ASTN2: variants seen among roughly 807,000 people sequenced by gnomAD.
ASTN2 encodes astrotactin 2, also known as astrotactin-2.
Under a neutral mutation model 139.8 loss-of-function variants are expected in ASTN2, and 54 were observed. The ratio of observed to expected loss-of-function variants is 0.39; its 90% CI spans 0.31 to 0.48. The LOEUF (loss-of-function observed/expected upper bound fraction) is 0.48, where lower values mean the gene tolerates loss of function less well. Among genes scored for constraint, ASTN2 ranks in the 20% least tolerant of loss-of-function variants. The pLI is 0.95. For missense variants in ASTN2, 1,565 were observed against 1,725.1 expected (o/e 0.91, Z 1.64); for synonymous variants, 756 against 719.5 (o/e 1.05, Z -0.81).
chr9:116,699,251 G>A lies in ASTN2; in HGVS notation c.2806+26520C>T. The A allele has an allele frequency of 6.2e-7, 1 of 1,614,216 alleles. No individual in the cohort carries two copies. The highest frequency in any genetic ancestry group is 8.5e-7 in the Non-Finnish European group (1 of 1,180,046). ...GTTTCACAGTTGATCGAGGATCAGG[G>A]GTGGTCAAATACAGCTGCCTATGTA... On this transcript the variant is annotated intron_variant, in intron 16 of 22. Coordinates refer to ENST00000313400, the MANE Select transcript of ASTN2 (RefSeq NM_001365068.1). The surrounding 1 kb of genome is among the most constrained non-coding windows in gnomAD (Gnocchi z 4.2).
Position 117,256,701 on chromosome 9 carries a change from A to G in ASTN2, c.630+34625T>C, listed in dbSNP as rs564597757. Among the ~76,000 whole-genome samples, 9 of 152,318 alleles carry G rather than the reference A, an allele frequency of 5.9e-5. No homozygotes were observed. The South Asian group carries it at 1.9e-3, about 32-fold the overall frequency. ...GAAAGAAGAAGAAATAAAGGAGGAA[A>G]AAGAGAAATTATTACCATTCTTTAT... is the stretch of plus-strand genomic sequence containing the variant. On this transcript the variant is annotated intron_variant, in intron 2 of 22. Coordinates refer to ENST00000313400, the MANE Select transcript of ASTN2 (RefSeq NM_001365068.1).
intron 4 of ASTN2, among the ~76,000 whole-genome samples, chr9:117,107,788 C>T (rs1829143866): frequency 6.6e-6 from 1 of 152,168 alleles, no homozygotes; most frequent in South Asian, 2.1e-4. Context: ...TCTGGTCTTT[C>T]CTATCATGTA....
At chr9:117,335,392 A>G (rs752749023) in intron 1 of ASTN2, among the ~76,000 whole-genome samples, 1 of 152,226 alleles carries the variant, frequency 6.6e-6, no homozygotes, top group Non-Finnish European at 1.5e-5. Flanking sequence ...AGGCTTTAAC[A>G]CAATACAAAC....
At chr9:116,813,845 G>T (rs1052131697) in intron 12 of ASTN2, among the ~76,000 whole-genome samples, 9 of 152,028 alleles carry the variant, frequency 5.9e-5, no homozygotes, top group Non-Finnish European at 1.2e-4. Flanking sequence ...GACCAGCCTG[G>T]TCAACATGGC....
At chr9:116,651,993 C>A (rs1365098441) in intron 16 of ASTN2, among the ~76,000 whole-genome samples, 200 bp from the exon 17 acceptor site, 1 of 152,118 alleles carries the variant, frequency 6.6e-6, no homozygotes, top group Non-Finnish European at 1.5e-5. Flanking sequence ...TATTGTCCTA[C>A]CACTTACATT....
At chr9:116,687,517 G>T (rs1048612016) in intron 16 of ASTN2, 2 of 146,678 alleles carry the variant, frequency 1.4e-5, no homozygotes, top group Admixed American at 6.8e-5. Context: ...CCGGATCTGG[G>T]GGGGGCAGGA....
intron 6 of ASTN2, among the ~76,000 whole-genome samples, chr9:117,032,186 A>C: frequency 6.6e-6 from 1 of 152,154 alleles, no homozygotes; most frequent in East Asian, 1.9e-4. Context: ...TTCATTGAAG[A>C]AGGTTTTCTA....
chr9:117,306,658 C>T (rs1157205862), intron 1 of ASTN2, among the ~76,000 whole-genome samples: 4 of 152,126 alleles, frequency 2.6e-5, no homozygotes, highest in African/African-American at 7.2e-5. Context: ...CAGAAAACAG[C>T]GACAACTACA....
At chr9:116,964,262 C>T (rs1439797500) in intron 10 of ASTN2, among the ~76,000 whole-genome samples, 12 of 149,418 alleles carry the variant, frequency 8.0e-5, no homozygotes, top group East Asian at 2.0e-4. Flanking sequence ...TGTGTGCGCG[C>T]GCGCGCGTGT....
intron 11 of ASTN2, among the ~76,000 whole-genome samples, chr9:116,849,847 A>C (rs1340242894): frequency 6.6e-6 from 1 of 152,246 alleles, no homozygotes; most frequent in Non-Finnish European, 1.5e-5. Flanking sequence ...TGAGTGAGAA[A>C]GATTTTAAAG....
At chr9:116,970,763 T>C (rs1050528026) in intron 10 of ASTN2, among the ~76,000 whole-genome samples, 1 of 152,196 alleles carries the variant, frequency 6.6e-6, no homozygotes, top group Non-Finnish European at 1.5e-5. Context: ...CATTATTCTT[T>C]CAGCGTTGTT....
chr9:116,856,786 A>G (rs940450775), intron 11 of ASTN2, among the ~76,000 whole-genome samples: 2 of 152,248 alleles, frequency 1.3e-5, no homozygotes, highest in Non-Finnish European at 2.9e-5. Context: ...AAGATGGGGC[A>G]GAGGCGGCAG....
At chr9:117,326,981 T>C (rs940748854) in intron 1 of ASTN2, among the ~76,000 whole-genome samples, 3 of 152,154 alleles carry the variant, frequency 2.0e-5, no homozygotes, top group Admixed American at 6.5e-5. Flanking sequence ...ACCTGTTTCA[T>C]GAAAGACAAT....
chr9:116,554,655 C>T (rs1423592237), intron 19 of ASTN2, among the ~76,000 whole-genome samples: 1 of 152,140 alleles, frequency 6.6e-6, no homozygotes, highest in African/African-American at 2.4e-5. Flanking sequence ...TCAGAACATT[C>T]CAGAGGCAAC....
At chr9:117,032,681 C>T (rs1399303887) in intron 6 of ASTN2, among the ~76,000 whole-genome samples, 2 of 152,278 alleles carry the variant, frequency 1.3e-5, no homozygotes, top group East Asian at 1.9e-4. Flanking sequence ...TTAGCTCACT[C>T]TTCTGGGATG....
chr9:117,055,856 C>A (rs10733625), intron 5 of ASTN2, among the ~76,000 whole-genome samples: 97,317 of 152,074 alleles, frequency 0.64, 31,508 homozygotes, highest in East Asian at 0.72. Context: ...TGCATATATC[C>A]AATGCAAGAA....
chr9:116,633,736 C>G (rs1329502136), intron 17 of ASTN2, among the ~76,000 whole-genome samples: 1 of 152,154 alleles, frequency 6.6e-6, no homozygotes, highest in South Asian at 2.1e-4. Flanking sequence ...GAGGAAGCCT[C>G]TCCTGCTGGT....
intron 5 of ASTN2, among the ~76,000 whole-genome samples, chr9:117,082,597 T>C (rs984970845): frequency 6.6e-6 from 1 of 152,170 alleles, no homozygotes; most frequent in Admixed American, 6.5e-5. Flanking sequence ...AGGTCAGGAA[T>C]TCAAGACCAG....
intron 17 of ASTN2, among the ~76,000 whole-genome samples, chr9:116,626,122 G>C (rs1856440092): frequency 6.7e-6 from 1 of 148,518 alleles, no homozygotes; most frequent in Non-Finnish European, 1.5e-5. Flanking sequence ...TGGGATTGCA[G>C]GCATGTACCA....
Sources: allele counts gnomAD v4.1 joint callset (sites outside exome capture counted in the v4.1 genomes callset), GRCh38; gene constraint gnomAD v4.1.1; non-coding constraint Gnocchi (gnomAD v3.1); transcripts MANE v1.5; gene names NCBI Gene and HGNC (gene_info 2026-07-23, HGNC 2026-07-21).